CHRDL2: variants seen among roughly 807,000 people sequenced by gnomAD.
CHRDL2 encodes chordin like 2.
A neutral mutation model predicts 54.3 loss-of-function variants in CHRDL2; 41 were observed. The ratio of observed to expected loss-of-function variants is 0.76; its 90% CI spans 0.59 to 0.98. The LOEUF (loss-of-function observed/expected upper bound fraction) is 0.98, where lower values mean the gene tolerates loss of function less well. CHRDL2 is among the 50% of genes least tolerant of loss of function. The probability of loss-of-function intolerance (pLI) is 0.00; values close to 1 mark genes in which losing one functional copy is unlikely to be tolerated. For missense variants in CHRDL2, 518 were observed against 562.4 expected (o/e 0.92, Z 0.80); for synonymous variants, 220 against 224.3 (o/e 0.98, Z 0.17).
rs1156781434 is a variant in CHRDL2, at chr11:74,711,551, GC to G, written c.290-561del. Among the ~76,000 whole-genome samples the G allele has an allele frequency of 2.0e-5, 3 of 152,300 alleles. No homozygotes were observed. In the East Asian group the frequency reaches 5.8e-4, roughly 29 times the overall value. On this transcript the variant is annotated intron_variant, in intron 3 of 10. Transcript: ENST00000376332. Reference sequence around the variant, plus strand: ...CTCATCCTGCCAGGTGGAGGGGTAAGCCTCTGGTCCTGAGAGAGCCCACTCA... The same window carrying G: ...CTCATCCTGCCAGGTGGAGGGGTAAGCTCTGGTCCTGAGAGAGCCCACTCA...
At chr11:74,700,926 C>T (rs1387077390) in intron 9 of CHRDL2, 2 of 152,102 alleles carry the variant, frequency 1.3e-5, no homozygotes, top group Non-Finnish European at 2.9e-5. Context: ...GCCACCAGGC[C>T]CAGCTGGGAC....
chr11:74,703,199 C>T (rs2033887640), intron 8 of CHRDL2, 106 bp downstream of exon 8: 1 of 1,344,926 alleles, frequency 7.4e-7, no homozygotes, highest in Non-Finnish European at 1.0e-6. Flanking sequence ...GGCACCGATG[C>T]ATGCCCTTCC....
In CHRDL2 at chr11:74,703,483, C is replaced by A; in HGVS notation, c.768G>T (p.Gly256=). The A allele has an allele frequency of 6.2e-7, 1 of 1,603,196 alleles. No individual in the cohort carries two copies. The highest frequency in any genetic ancestry group is 8.5e-7 in the Non-Finnish European group (1 of 1,173,652). The change falls in exon 8 of 11, where the codon GGG becomes GGT. Residue 256 remains glycine, a synonymous_variant. Transcript: ENST00000376332. ...EKHKKACVHG[G]KTYSHGEVWH... The stretch of plus-strand genomic sequence containing the variant: ...ACACCTCCCCGTGGGAGTACGTCTT[C>A]CCGCCATGCACACAGGCTGAATAAG...
Position 74,702,116 on chromosome 11 carries a change from C to T in CHRDL2, c.1120+678G>A, listed in dbSNP as rs189835201. On this transcript the variant is annotated intron_variant, in intron 9 of 10. Coordinates refer to ENST00000376332, the MANE Select transcript of CHRDL2 (RefSeq NM_001278473.3). ...AAAAAAAATACAAAAATTAGCTGGG[C>T]GTGGTGGCTCATAACTGTGGTCCCA... Among the ~76,000 whole-genome samples the T allele has an allele frequency of 5.0e-3, 764 of 152,074 alleles. 5 individuals are homozygous for T. The highest frequency in any genetic ancestry group is 0.01 in the Middle Eastern group (3 of 294).
At chr11:74,705,913 G>A (rs1403917777) in intron 6 of CHRDL2, among the ~76,000 whole-genome samples, 2 of 152,162 alleles carry the variant, frequency 1.3e-5, no homozygotes, top group Non-Finnish European at 2.9e-5. Flanking sequence ...TGAAATAGCA[G>A]GTGGAGTTGT....
At chr11:74,721,840 T>C (rs960001717) in intron 1 of CHRDL2, among the ~76,000 whole-genome samples, 2 of 152,260 alleles carry the variant, frequency 1.3e-5, no homozygotes, top group African/African-American at 4.8e-5. Flanking sequence ...ATTTTCTGCA[T>C]AGATACTTTA....
chr11:74,714,590 G>A (rs1028738882), intron 2 of CHRDL2, among the ~76,000 whole-genome samples: 4 of 152,176 alleles, frequency 2.6e-5, no homozygotes, highest in African/African-American at 4.8e-5. Flanking sequence ...AGGTAATCGC[G>A]AGAACTAGTC....
rs755364690 is a variant in CHRDL2 at position 74,702,954 on chromosome 11, G to T, written c.960C>A (p.Asp320Glu). Residue 320 changes from aspartate to glutamate, a missense_variant, in exon 9 of 11, where the codon GAC (aspartate) becomes GAA (glutamate). Physicochemically the swap from Asp to Glu is conservative, Grantham distance 45. Coordinates refer to ENST00000376332, the MANE Select transcript of CHRDL2 (RefSeq NM_001278473.3). ...CCKICPEDKA[D>E]PGHSEISSTR... ...TAGAACTGATCTCACTGTGGCCAGGGTCTGCTTTGTCCTCTGGAGAGACAA... is the reference window on the plus strand; with the variant it reads ...TAGAACTGATCTCACTGTGGCCAGGTTCTGCTTTGTCCTCTGGAGAGACAA... The T allele has an allele frequency of 5.0e-6, 8 of 1,612,660 alleles. No individual in the cohort carries two copies. Among genetic ancestry groups the T allele is most frequent in the Admixed American group, 3.3e-5 (2 of 59,924 alleles).
At chr11:74,730,785 C>A (rs778273674) in intron 1 of CHRDL2, 22 bp downstream of exon 1, 1 of 1,595,432 alleles carries the variant, frequency 6.3e-7, no homozygotes, top group Non-Finnish European at 8.5e-7. Flanking sequence ...CCTCTGCCCA[C>A]CCAGCCTCCC....
chr11:74,704,361 G>T, intron 7 of CHRDL2, 125 bp downstream of exon 7: 2 of 885,178 alleles, frequency 2.3e-6, no homozygotes, highest in Non-Finnish European at 3.4e-6. Flanking sequence ...GAGTCTACAA[G>T]CTCATGGCCA....
chr11:74,730,713 G>A (rs2034638933), intron 1 of CHRDL2, 94 bp downstream of exon 1: 1 of 1,215,290 alleles, frequency 8.2e-7, no homozygotes, highest in South Asian at 1.3e-5. Context: ...CTGGACGGCT[G>A]TCAGAAGAGC....
At chr11:74,718,858 A>G in intron 1 of CHRDL2, 26 bp from the exon 2 acceptor site, 2 of 1,435,320 alleles carry the variant, frequency 1.4e-6, no homozygotes, top group Non-Finnish European at 1.9e-6. Flanking sequence ...GTGCCATGTT[A>G]GTCCCAGGAG....
At chr11:74,729,204 G>T (rs991028827) in intron 1 of CHRDL2, among the ~76,000 whole-genome samples, 1 of 152,230 alleles carries the variant, frequency 6.6e-6, no homozygotes, top group Non-Finnish European at 1.5e-5. Context: ...GTGTCAAGTG[G>T]ATGGGAGGCA....
chr11:74,726,991 C>T (rs1218535584), intron 1 of CHRDL2, among the ~76,000 whole-genome samples: 3 of 152,336 alleles, frequency 2.0e-5, no homozygotes, highest in Admixed American at 6.5e-5. Flanking sequence ...GAGGGTCTGC[C>T]TGTCCACTCC....
Position 74,725,800 on chromosome 11 carries a change from G to A in CHRDL2, c.82+5007C>T, listed in dbSNP as rs1391386482. Among the ~76,000 whole-genome samples, 4 of 152,180 alleles carry A rather than the reference G, an allele frequency of 2.6e-5. No individual in the cohort carries two copies. The East Asian group carries it at 7.7e-4, about 29-fold the overall frequency. ...ATTGTGGCTGGCCTGTCCCCAGGCT[G>A]CAAGAACTCAGGAAACCTGAGTGAG... On this transcript the variant is annotated intron_variant, in intron 1 of 10. Transcript: ENST00000376332.
In CHRDL2 at chr11:74,731,420, C is replaced by G. The variant is rs1331191394; in HGVS notation, c.-532G>C. The G allele has an allele frequency of 1.3e-5, 2 of 151,592 alleles. No homozygotes were observed. The highest frequency in any genetic ancestry group is 1.9e-4 in the East Asian group (1 of 5,136). 9.4% of individuals were successfully genotyped at this position (151,592 alleles called of 1,614,324 possible). A position where few individuals can be genotyped will look rare whatever the true frequency, so the allele number is the denominator to read the frequency against. On this transcript the variant is annotated 5_prime_UTR_variant, in exon 1 of 11. Coordinates refer to ENST00000376332, the MANE Select transcript of CHRDL2 (RefSeq NM_001278473.3). This position sits in a 1 kb window ranked among gnomAD's most constrained non-coding sequence, Gnocchi z 4.4. ...AGGCTGAGCGCGGGCCGGCTGTGCT[C>G]GCCAAGGGCTTCAGGCGCCGCGCTC...
intron 9 of CHRDL2, 84 bp from the exon 10 acceptor site, chr11:74,697,381 C>A: frequency 1.1e-6 from 1 of 922,842 alleles, no homozygotes; most frequent in Non-Finnish European, 1.8e-6. Flanking sequence ...TAGCACAGAA[C>A]GGACCCAATC....
intron 6 of CHRDL2, 63 bp from the exon 7 acceptor site, chr11:74,704,717 A>G (rs774850825): frequency 6.5e-7 from 1 of 1,533,502 alleles, no homozygotes; most frequent in East Asian, 2.3e-5. Flanking sequence ...CTGGAGCCAG[A>G]ACAGCAAGAC....
In CHRDL2 at chr11:74,702,857, G is replaced by A. The variant is rs141944340; in HGVS notation, c.1057C>T (p.Arg353Cys). 81 of 1,614,050 alleles carry A rather than the reference G, an allele frequency of 5.0e-5. No individual in the cohort carries two copies. The highest frequency in any genetic ancestry group is 4.5e-5 in the East Asian group (2 of 44,872). The change falls in exon 9 of 11, where the codon CGC becomes TGC. Residue 353 changes from arginine to cysteine, a missense_variant. Arg to Cys is a radical substitution (Grantham distance 180). Transcript: ENST00000376332. ...SVSPSPDNLR[R>C]FALEHEASDL... ...GAGGCCTCGTGTTCCAGGGCAAAGC[G>A]ACGCAGGTTGTCTGGGCTTGGGGAT...
Sources: allele counts gnomAD v4.1 joint callset (sites outside exome capture counted in the v4.1 genomes callset), GRCh38; gene constraint gnomAD v4.1.1; non-coding constraint Gnocchi (gnomAD v3.1); transcripts MANE v1.5; gene names NCBI Gene and HGNC (gene_info 2026-07-23, HGNC 2026-07-21).